NDUFAF2: variants seen among roughly 807,000 people sequenced by gnomAD.
The protein encoded by NDUFAF2 is NADH:ubiquinone oxidoreductase complex assembly factor 2, also known as NADH dehydrogenase [ubiquinone] 1 alpha subcomplex assembly factor 2.
A neutral mutation model predicts 22.8 loss-of-function variants in NDUFAF2; 13 were observed. The observed-to-expected ratio is 0.57, with a 90% CI of 0.37 to 0.91. The LOEUF is 0.91. NDUFAF2 is among the 40% of genes least tolerant of loss of function. NDUFAF2 has a pLI of 0.01. For synonymous variants in NDUFAF2, 53 were observed against 64.2 expected, an observed-to-expected ratio of 0.83 and a Z score of 0.84; for missense variants, 162 against 195.2, an observed-to-expected ratio of 0.83 and a Z score of 1.01.
intron 1 of NDUFAF2, among the ~76,000 whole-genome samples, chr5:60,998,699 T>C (rs1751258298): frequency 6.6e-6 from 1 of 152,072 alleles, no homozygotes. Context: ...ATTCCATTTT[T>C]TTTTTCTCCT....
intron 1 of NDUFAF2, among the ~76,000 whole-genome samples, chr5:61,039,663 G>A (rs1040478332): frequency 5.9e-5 from 9 of 152,128 alleles, no homozygotes; most frequent in African/African-American, 2.2e-4. Context: ...GAATCCCTCA[G>A]GTGGTGAGAT....
At chr5:61,128,718 C>A (rs758159665) in intron 3 of NDUFAF2, among the ~76,000 whole-genome samples, 3 of 152,148 alleles carry the variant, frequency 2.0e-5, no homozygotes, top group Non-Finnish European at 4.4e-5. Context: ...CTAGGCAATA[C>A]CATTCAGGAC....
chr5:60,972,079 A>C (rs1036831331), intron 1 of NDUFAF2, among the ~76,000 whole-genome samples: 3 of 151,350 alleles, frequency 2.0e-5, no homozygotes, highest in Non-Finnish European at 4.4e-5. Context: ...AGTAGCTAGG[A>C]TTACAGGCAT....
At chr5:61,034,288 T>C (rs1200739848) in intron 1 of NDUFAF2, among the ~76,000 whole-genome samples, 1 of 152,164 alleles carries the variant, frequency 6.6e-6, no homozygotes, top group Non-Finnish European at 1.5e-5. Context: ...TGTCACTTAA[T>C]GATGGGGATA....
At chr5:60,948,550 GC>G (rs1305846480) in intron 1 of NDUFAF2, among the ~76,000 whole-genome samples, 14 of 102,646 alleles carry the variant, frequency 1.4e-4, no homozygotes, top group Non-Finnish European at 2.8e-4. Context: ...CACATATTCT[GC>G]TTTTTTTTTT....
intron 3 of NDUFAF2, among the ~76,000 whole-genome samples, chr5:61,122,417 C>G (rs1752987665): frequency 6.6e-6 from 1 of 152,138 alleles, no homozygotes; most frequent in African/African-American, 2.4e-5. Context: ...ATTTTACTAT[C>G]ATTTGTACCT....
intron 2 of NDUFAF2, among the ~76,000 whole-genome samples, chr5:61,077,867 A>G (rs1270931773): frequency 6.6e-6 from 1 of 152,226 alleles, no homozygotes; most frequent in Admixed American, 6.5e-5. Flanking sequence ...ATTCTCTTCT[A>G]ATTCTTACTA....
At chr5:61,131,474 A>G (rs1220655301) in intron 3 of NDUFAF2, among the ~76,000 whole-genome samples, 1 of 152,166 alleles carries the variant, frequency 6.6e-6, no homozygotes, top group Non-Finnish European at 1.5e-5. Flanking sequence ...GAAACTTTTA[A>G]TGCAGCAATT....
chr5:61,040,628 T>C (rs1053795925), intron 1 of NDUFAF2, among the ~76,000 whole-genome samples: 2 of 152,156 alleles, frequency 1.3e-5, no homozygotes, highest in Non-Finnish European at 2.9e-5. Flanking sequence ...GAGAACTGTG[T>C]CACACTCATT....
Position 61,118,034 on chromosome 5 carries a change from TC to T in NDUFAF2, c.258+19003del, listed in dbSNP as rs550615664. ...GAATAGCTTTAAAAAATTAATTTCC[TC>T]ATTCTCTCTTTCTATATGGAGTCCT... is the stretch of plus-strand genomic sequence containing the variant. On this transcript the variant is annotated intron_variant, in intron 3 of 3. Transcript: ENST00000296597. 2.5e-3 allele frequency among the ~76,000 whole-genome samples: 380 copies of T among 152,306 alleles called. 4 individuals are homozygous for T. Among genetic ancestry groups the T allele is most frequent in the Non-Finnish European group, 9.7e-4 (66 of 68,020 alleles).
chr5:61,056,579 C>T (rs1014073313), intron 1 of NDUFAF2, among the ~76,000 whole-genome samples: 7 of 151,894 alleles, frequency 4.6e-5, no homozygotes, highest in Admixed American at 2.0e-4. Flanking sequence ...AGAGTTTAAA[C>T]GAATGACTAA....
chr5:61,079,601 A>T (rs907239904), intron 2 of NDUFAF2, among the ~76,000 whole-genome samples: 3 of 152,222 alleles, frequency 2.0e-5, no homozygotes, highest in Non-Finnish European at 4.4e-5. Context: ...ACTTGAATAG[A>T]AAAGATTAGA....
At chr5:61,125,969 T>A (rs1423597599) in intron 3 of NDUFAF2, among the ~76,000 whole-genome samples, 1 of 152,010 alleles carries the variant, frequency 6.6e-6, no homozygotes, top group Non-Finnish European at 1.5e-5. Flanking sequence ...GCATAGAAAT[T>A]CAATTATACA....
intron 1 of NDUFAF2, among the ~76,000 whole-genome samples, chr5:61,066,570 A>C (rs994664935): frequency 6.7e-6 from 1 of 149,790 alleles, no homozygotes; most frequent in Admixed American, 6.7e-5. Flanking sequence ...CCTAGAAATC[A>C]ATCTATACAT....
intron 1 of NDUFAF2, among the ~76,000 whole-genome samples, chr5:61,063,316 G>A (rs1430752284): frequency 1.3e-5 from 2 of 149,370 alleles, no homozygotes; most frequent in Non-Finnish European, 3.0e-5. Flanking sequence ...TGGATAATAT[G>A]GCAAGATCTT....
rs1561523202 is a variant in NDUFAF2 at position 60,945,378 on chromosome 5, G to C, written c.123G>C (p.Trp41Cys). 2.5e-6 allele frequency: 4 copies of C among 1,614,228 alleles called. No homozygotes were observed. The highest frequency in any genetic ancestry group is 1.6e-4 in the Middle Eastern group (1 of 6,062). The change falls in exon 1 of 4, where the codon TGG (tryptophan) becomes TGC (cysteine). Residue 41 changes from tryptophan to cysteine, a missense_variant. Trp to Cys is a radical substitution (Grantham distance 215). Coordinates refer to ENST00000296597, the MANE Select transcript of NDUFAF2 (RefSeq NM_174889.5). ...KYYYIPQYKN[W>C]RGQTIREKRI... ...ACTACATCCCGCAGTACAAGAACTG[G>C]AGAGGTGAGGTGGCGGCGTGGGCAG...
chr5:61,096,261 A>G (rs1180477365), intron 2 of NDUFAF2, among the ~76,000 whole-genome samples: 2 of 152,212 alleles, frequency 1.3e-5, no homozygotes, highest in South Asian at 4.1e-4. Context: ...TCCCATGGGT[A>G]CCTCCTGCCT....
At chr5:60,955,416 A>G (rs554491773) in intron 1 of NDUFAF2, among the ~76,000 whole-genome samples, 35 of 152,212 alleles carry the variant, frequency 2.3e-4, no homozygotes, top group Non-Finnish European at 4.0e-4. Flanking sequence ...TTCTGTTCCA[A>G]TAGTTTATAT....
At chr5:60,961,593 T>TC (rs1750686238) in intron 1 of NDUFAF2, among the ~76,000 whole-genome samples, 2 of 92,262 alleles carry the variant, frequency 2.2e-5, no homozygotes, top group African/African-American at 1.1e-4. Context: ...AGACTCTGTC[T>TC]CAAAAAAAAA....
Sources: allele counts gnomAD v4.1 joint callset (sites outside exome capture counted in the v4.1 genomes callset), GRCh38; gene constraint gnomAD v4.1.1; transcripts MANE v1.5; gene names NCBI Gene and HGNC (gene_info 2026-07-23, HGNC 2026-07-21).